CA10: variants seen among roughly 807,000 people sequenced by gnomAD.
CA10 encodes the protein carbonic anhydrase 10 (inactive), also known as carbonic anhydrase-related protein 10.
CA10 carries 14 observed loss-of-function variants against 44.2 expected under a neutral mutation model. That is an observed-to-expected ratio of 0.32 (90% confidence interval 0.21 to 0.50). CA10 has a LOEUF of 0.50. Among genes scored for constraint, CA10 ranks in the 20% least tolerant of loss-of-function variants. The pLI is 0.99. For synonymous variants in CA10, 159 were observed against 141.6 expected (o/e 1.12, Z -0.87); for missense variants, 350 against 409.7 (o/e 0.85, Z 1.26).
chr17:51,922,546 A>G (rs1341563412), intron 3 of CA10, among the ~76,000 whole-genome samples: 3 of 152,170 alleles, frequency 2.0e-5, no homozygotes, highest in Non-Finnish European at 4.4e-5. Flanking sequence ...CCTTGGCTCT[A>G]AGCCCTTTCT....
At chr17:51,849,212 TATATATAC>T (rs1311621196) in intron 3 of CA10, among the ~76,000 whole-genome samples, 101 of 53,540 alleles carry the variant, frequency 1.9e-3, no homozygotes, top group Non-Finnish European at 2.8e-3. Context: ...TATGTATATA[TATATATAC>T]ATATATGTGT....
intron 4 of CA10, among the ~76,000 whole-genome samples, chr17:51,697,886 C>T (rs1428444597): frequency 6.6e-6 from 1 of 152,144 alleles, no homozygotes; most frequent in Non-Finnish European, 1.5e-5. Flanking sequence ...ATTTTAATGC[C>T]CAATTTCACT....
At chr17:51,892,924 T>C (rs938214706) in intron 3 of CA10, among the ~76,000 whole-genome samples, 2 of 152,186 alleles carry the variant, frequency 1.3e-5, no homozygotes, top group African/African-American at 4.8e-5. Context: ...CTTCTCATTA[T>C]GTGTCAAAAA....
At chr17:52,025,601 A>T (rs964623037) in intron 2 of CA10, among the ~76,000 whole-genome samples, 3 of 152,142 alleles carry the variant, frequency 2.0e-5, no homozygotes, top group Non-Finnish European at 4.4e-5. Context: ...TTAAAAAAAA[A>T]TCTAAGTGCC....
At chr17:51,867,690 G>A (rs146190858) in intron 3 of CA10, among the ~76,000 whole-genome samples, 44 of 152,298 alleles carry the variant, frequency 2.9e-4, no homozygotes, top group African/African-American at 1.0e-3. Context: ...AAGGCAACCA[G>A]TCAGTGATCT....
intron 3 of CA10, among the ~76,000 whole-genome samples, chr17:51,801,209 G>C (rs530261733): frequency 6.6e-6 from 1 of 152,322 alleles, no homozygotes; most frequent in South Asian, 2.1e-4. Flanking sequence ...ACAGAGAAGA[G>C]AGTGTAAAAC....
intron 3 of CA10, among the ~76,000 whole-genome samples, chr17:51,917,495 C>A (rs757607685): frequency 1.3e-5 from 2 of 152,142 alleles, no homozygotes; most frequent in Admixed American, 6.5e-5. Context: ...TAATTTATAA[C>A]GAAAAGAGGT....
At chr17:51,959,280 CTCTGTGTGTG>C (rs1203596586) in intron 2 of CA10, among the ~76,000 whole-genome samples, 109 of 66,502 alleles carry the variant, frequency 1.6e-3, no homozygotes, top group Non-Finnish European at 2.6e-3. Flanking sequence ...CGCTCTCTCT[CTCTGTGTGTG>C]TGTGTGTGTG....
chr17:52,040,752 A>C (rs1434335728), intron 2 of CA10, among the ~76,000 whole-genome samples: 1 of 152,066 alleles, frequency 6.6e-6, no homozygotes, highest in Non-Finnish European at 1.5e-5. Context: ...CGGAGAGACC[A>C]AGGCAGCTAG....
At chr17:51,693,579 G>A (rs1281361339) in intron 4 of CA10, among the ~76,000 whole-genome samples, 1 of 152,048 alleles carries the variant, frequency 6.6e-6, no homozygotes. Flanking sequence ...ATTTATAAGT[G>A]AGAACATGCA....
chr17:52,042,263 T>G (rs1409237640), intron 2 of CA10, among the ~76,000 whole-genome samples: 2 of 152,112 alleles, frequency 1.3e-5, no homozygotes, highest in Non-Finnish European at 1.5e-5. Flanking sequence ...GTTTGTTATC[T>G]CTTGTCTTTT....
intron 4 of CA10, among the ~76,000 whole-genome samples, chr17:51,736,634 A>C (rs1598018177): frequency 6.6e-6 from 1 of 152,344 alleles, no homozygotes; most frequent in East Asian, 1.9e-4. Flanking sequence ...ATAGATCCAA[A>C]GCAAGATGAC....
rs60229972 is a variant in CA10, at chr17:51,904,259, G to A, written c.279+26731C>T. Among the ~76,000 whole-genome samples, 130 of 151,760 alleles carry A rather than the reference G, an allele frequency of 8.6e-4. 1 individual carries two copies. The East Asian group carries it at 0.019, about 22-fold the overall frequency. On this transcript the variant is annotated intron_variant, in intron 3 of 8. Transcript: ENST00000451037. Reference sequence around the variant, plus strand: ...TCATGTTGACCAGTACAGTGCTGTCGCCTTTGTTCTCTCCTTTGACCAATG... The same window carrying A: ...TCATGTTGACCAGTACAGTGCTGTCACCTTTGTTCTCTCCTTTGACCAATG...
At chr17:51,665,546 C>A (rs772614798) in intron 4 of CA10, among the ~76,000 whole-genome samples, 22 of 152,100 alleles carry the variant, frequency 1.4e-4, no homozygotes, top group South Asian at 2.1e-4. Flanking sequence ...GCTTAAAAAC[C>A]AGGATGCATT....
At chr17:52,084,173 G>A (rs1018459980) in intron 1 of CA10, among the ~76,000 whole-genome samples, 2 of 152,156 alleles carry the variant, frequency 1.3e-5, no homozygotes, top group Non-Finnish European at 2.9e-5. Flanking sequence ...GAAACATGTG[G>A]TCTTCGCTGG....
At chr17:51,723,794 G>C (rs977598679) in intron 4 of CA10, among the ~76,000 whole-genome samples, 22 of 152,210 alleles carry the variant, frequency 1.4e-4, no homozygotes, top group Non-Finnish European at 2.6e-4. Context: ...GTGTGAAGCT[G>C]TTTTTCCCCT....
At chr17:51,999,152 G>T (rs1985337397) in intron 2 of CA10, among the ~76,000 whole-genome samples, 1 of 151,982 alleles carries the variant, frequency 6.6e-6, no homozygotes, top group Admixed American at 6.6e-5. Flanking sequence ...TTTTTAGAAT[G>T]CCAAGCAAGC....
At chr17:51,642,886 G>T (rs1913150678) in intron 6 of CA10, among the ~76,000 whole-genome samples, 1 of 152,096 alleles carries the variant, frequency 6.6e-6, no homozygotes, top group Non-Finnish European at 1.5e-5. Flanking sequence ...CAGGTGATCT[G>T]CCCATCTCAG....
intron 3 of CA10, among the ~76,000 whole-genome samples, chr17:51,893,974 T>C (rs1049051461): frequency 1.3e-5 from 2 of 152,164 alleles, no homozygotes; most frequent in African/African-American, 4.8e-5. Flanking sequence ...TAGTTGACTA[T>C]GCATGTCTCC....
Sources: gnomAD v4.1 joint callset for allele counts (sites outside exome capture counted in the v4.1 genomes callset) on GRCh38, gnomAD v4.1.1 for gene constraint, MANE v1.5 for transcripts, NCBI Gene and HGNC (gene_info 2026-07-23, HGNC 2026-07-21) for gene names.